Variants in TRIM37 observed in about 807,000 individuals in gnomAD.
The protein encoded by TRIM37 is E3 ubiquitin-protein ligase TRIM37.
TRIM37 carries 80 observed loss-of-function variants against 129.8 expected under a neutral mutation model. The observed-to-expected ratio is 0.62, with a 90% confidence interval of 0.51 to 0.74. TRIM37 has a LOEUF of 0.74. Ranked by LOEUF, TRIM37 falls within the 30% of genes least tolerant of loss-of-function variation. The pLI is 0.00. For synonymous variants in TRIM37, 389 were observed against 387.1 expected (o/e 1.00, Z -0.06); for missense variants, 1,054 against 1,176.5 (o/e 0.90, Z 1.52).
At chr17:58,973,003 C>T in the TRIM37 span, 38 of 922,052 alleles carry the variant, frequency 4.1e-5, no homozygotes, top group Non-Finnish European at 5.8e-5. Flanking sequence ...ATACAGGGAA[C>T]CTGAGATGAT....
chr17:59,078,770 C>T (rs946389086), intron 7 of TRIM37, among the ~76,000 whole-genome samples: 1 of 152,078 alleles, frequency 6.6e-6, no homozygotes, highest in African/African-American at 2.4e-5. Flanking sequence ...CAGGTTTTGT[C>T]TAATTGCTCC....
Position 59,051,260 on chromosome 17 carries a change from T to C in TRIM37, c.1268A>G (p.Glu423Gly). 1.2e-6 allele frequency: 2 copies of C among 1,613,974 alleles called. No homozygotes were observed. Among genetic ancestry groups the C allele is most frequent in the Non-Finnish European group, 1.7e-6 (2 of 1,179,910 alleles). The change falls in exon 14 of 24, where the codon GAA (glutamate) becomes GGA (glycine). Residue 423 changes from glutamate (E) to glycine (G), a missense_variant. Glu to Gly is a moderately conservative substitution (Grantham distance 98). Around this residue, in one of 3 missense-constraint regions of TRIM37, gnomAD observed 752 missense variants for 870.8 expected, o/e 0.86. Transcript: ENST00000262294. Reference sequence around the variant, plus strand: ...TTGGATATAACTAGTCTGTGCAGCTTCCAACTGAGTAATGTACCAATGCTG... The same window carrying C: ...TTGGATATAACTAGTCTGTGCAGCTCCCAACTGAGTAATGTACCAATGCTG... ...RDQHWYITQL[E>G]AAQTSYIQQI...
At position 58,998,828 on chromosome 17, in the gene TRIM37, T is replaced by C. The variant is rs2033297258; in HGVS notation, c.*549A>G. On this transcript the variant is annotated 3_prime_UTR_variant, in exon 24 of 24. Coordinates refer to ENST00000262294, the MANE Select transcript of TRIM37 (RefSeq NM_015294.6). Reference sequence around the variant, plus strand: ...TGAACAAGTGAGAGAAGATACATACTCCAAAAAGGAGATTCAGTCTAGTGT... The same window carrying C: ...TGAACAAGTGAGAGAAGATACATACCCCAAAAAGGAGATTCAGTCTAGTGT... 1.0e-6 allele frequency: 1 copy of C among 990,080 alleles called. No homozygotes were observed. The highest frequency in any genetic ancestry group is 5.8e-5 in the Admixed American group (1 of 17,230). The allele number at this position is 990,080 out of a possible 1,614,324, so 61.3% of individuals were successfully genotyped here.
At chr17:59,091,972 A>G (rs907284277) in intron 2 of TRIM37, among the ~76,000 whole-genome samples, 2 of 152,172 alleles carry the variant, frequency 1.3e-5, no homozygotes, top group Non-Finnish European at 1.5e-5. Context: ...TTTACTACTA[A>G]ATTTATTTTT....
chr17:59,020,573 T>G (rs1414411216), intron 19 of TRIM37, among the ~76,000 whole-genome samples: 1 of 152,112 alleles, frequency 6.6e-6, no homozygotes, highest in East Asian at 1.9e-4. Context: ...AGCAGAAGTA[T>G]GAGAAAACTA....
Position 59,028,666 on chromosome 17 carries a change from G to A in TRIM37, c.2006C>T (p.Pro669Leu), listed in dbSNP as rs2037495596. 6.2e-7 allele frequency: 1 copy of A among 1,614,146 alleles called. No individual in the cohort carries two copies. Among genetic ancestry groups the A allele is most frequent in the South Asian group, 1.1e-5 (1 of 91,076 alleles). The change falls in exon 19 of 24, where the codon CCC becomes CTC. Residue 669 changes from proline (P) to leucine (L), a missense_variant. Physicochemically the swap from Pro to Leu is moderately conservative, Grantham distance 98. This residue lies in a region of TRIM37 where 752 missense variants were observed against 870.8 expected (regional missense o/e 0.86). Coordinates refer to ENST00000262294, the MANE Select transcript of TRIM37 (RefSeq NM_015294.6). ...QRKQQAMWRV[P>L]SDLKMLKRLK... ...TCTTTTTAGCATCTTTAAATCAGAG[G>A]GCACTCGCCACATTGCCTGTTGCTT...
the TRIM37 span, chr17:58,969,772 A>C: frequency 3.2e-6 from 5 of 1,575,156 alleles, no homozygotes; most frequent in Non-Finnish European, 4.4e-6. Context: ...GTACTAGCTG[A>C]GCTCAATTTG....
intron 23 of TRIM37, 106 bp from the exon 24 acceptor site, chr17:58,999,565 G>A (rs2033411035): frequency 1.0e-6 from 1 of 961,586 alleles, no homozygotes; most frequent in African/African-American, 1.7e-5. Flanking sequence ...TGTTATTTAA[G>A]TGATAAAGAT....
chr17:59,030,257 C>T (rs150889036), intron 18 of TRIM37, among the ~76,000 whole-genome samples: 121 of 152,276 alleles, frequency 7.9e-4, no homozygotes, highest in African/African-American at 2.7e-3. Context: ...AGGCACCTGC[C>T]ACAATGGCCG....
chr17:58,980,804 T>C, downstream of TRIM37: 1 of 1,614,166 alleles, frequency 6.2e-7, no homozygotes, highest in South Asian at 1.1e-5. The surrounding 1 kb of genome is among the most constrained non-coding windows in gnomAD (Gnocchi z 4.7). Flanking sequence ...GTGGCACAGA[T>C]TCAGGTTTAA....
At chr17:59,028,289 T>C in intron 19 of TRIM37, 126 bp downstream of exon 19, 1 of 859,972 alleles carries the variant, frequency 1.2e-6, no homozygotes, top group South Asian at 1.7e-5. Context: ...AAGAAAAAAG[T>C]CACATGTAAT....
downstream of TRIM37, among the ~76,000 whole-genome samples, chr17:58,994,546 G>T (rs1347966443): frequency 6.6e-6 from 1 of 152,052 alleles, no homozygotes; most frequent in Non-Finnish European, 1.5e-5. Context: ...ATGCACAGCT[G>T]CACCCTAGCC....
At chr17:59,065,825 G>C (rs1367144928) in intron 9 of TRIM37, among the ~76,000 whole-genome samples, 1 of 152,098 alleles carries the variant, frequency 6.6e-6, no homozygotes, top group African/African-American at 2.4e-5. Flanking sequence ...GAAATTAGTG[G>C]CTTGCAATAC....
chr17:59,100,547 T>C (rs1343717189), intron 2 of TRIM37, among the ~76,000 whole-genome samples: 1 of 152,234 alleles, frequency 6.6e-6, no homozygotes, highest in African/African-American at 2.4e-5. Flanking sequence ...TTTCTCTTTT[T>C]CCATCCCCCT....
intron 17 of TRIM37, among the ~76,000 whole-genome samples, chr17:59,039,558 G>C (rs1186987269): frequency 6.6e-6 from 1 of 151,944 alleles, no homozygotes; most frequent in African/African-American, 2.4e-5. Flanking sequence ...TGTTAGCCAG[G>C]ATGGTCTCAA....
chr17:59,067,050 AT>A (rs556507883), intron 9 of TRIM37, among the ~76,000 whole-genome samples: 1 of 151,870 alleles, frequency 6.6e-6, no homozygotes, highest in South Asian at 2.1e-4. Flanking sequence ...TTATTTATTT[AT>A]TTTTTTGAGA....
intron 16 of TRIM37, 89 bp from the exon 17 acceptor site, chr17:59,041,987 T>C (rs2039215034): frequency 1.1e-6 from 1 of 889,696 alleles, no homozygotes; most frequent in Admixed American, 2.0e-5. Context: ...TATGCAGATT[T>C]TTCTGTGAAA....
At chr17:59,029,673 T>C (rs1598998103) in intron 18 of TRIM37, among the ~76,000 whole-genome samples, 1 of 152,144 alleles carries the variant, frequency 6.6e-6, no homozygotes, top group Non-Finnish European at 1.5e-5. Context: ...CCGAGGCAGG[T>C]GGATCACTTG....
At chr17:59,052,213 TAA>T (rs35673171) in intron 13 of TRIM37, among the ~76,000 whole-genome samples, 1,987 of 143,874 alleles carry the variant, frequency 0.014, 22 homozygotes, top group South Asian at 0.029. Flanking sequence ...TTGTTTTAAT[TAA>T]AAAAAAAAAA....
Sources: gnomAD v4.1 joint callset for allele counts (sites outside exome capture counted in the v4.1 genomes callset) on GRCh38, gnomAD v4.1.1 for gene constraint, gnomAD v4.1.1 regional missense constraint, Gnocchi (gnomAD v3.1) non-coding constraint, MANE v1.5 for transcripts, NCBI Gene and HGNC (gene_info 2026-07-23, HGNC 2026-07-21) for gene names.